Variants in GLS observed in about 807,000 individuals in gnomAD.
The protein encoded by GLS is glutaminase.
In GLS, 36 loss-of-function variants were observed where a neutral mutation model predicts 86.7. The ratio of observed to expected loss-of-function variants is 0.42; its 90% CI spans 0.32 to 0.55. The LOEUF (loss-of-function observed/expected upper bound fraction) is 0.55. GLS is among the 20% of genes least tolerant of loss of function. The pLI is 0.17. For synonymous variants in GLS, 317 were observed against 305.9 expected, an observed-to-expected ratio of 1.04 and a Z score of -0.38; for missense variants, 528 against 833.4, an observed-to-expected ratio of 0.63 and a Z score of 4.51.
chr2:190,918,536 C>T (rs767059777), intron 7 of GLS, among the ~76,000 whole-genome samples: 18 of 152,016 alleles, frequency 1.2e-4, no homozygotes, highest in Non-Finnish European at 2.4e-4. Flanking sequence ...CACAAATTTT[C>T]TCCATGTTAC....
intron 14 of GLS, among the ~76,000 whole-genome samples, chr2:190,939,268 T>G (rs1357839482): frequency 6.6e-6 from 1 of 151,648 alleles, no homozygotes; most frequent in East Asian, 1.9e-4. Context: ...TTAATATTTA[T>G]GAAGGACTGT....
rs1690723401 is a variant in GLS at position 190,951,645 on chromosome 2, G to C, written c.1651-1920G>C. 6.6e-6 allele frequency among the ~76,000 whole-genome samples: 1 copy of C among 152,100 alleles called. No homozygotes were observed. Among genetic ancestry groups the C allele is most frequent in the South Asian group, 2.1e-4 (1 of 4,820 alleles). ...AAGTTGTAGTTAGGATCTTCTGTCT[G>C]TTTTTAGGGGTCTCCACTGGTATTA... On this transcript the variant is annotated intron_variant, in intron 14 of 17. Coordinates refer to ENST00000320717, the MANE Select transcript of GLS (RefSeq NM_014905.5). This position sits in a 1 kb window ranked among gnomAD's most constrained non-coding sequence, Gnocchi z 4.2.
chr2:190,942,944 GTTTCATC>G (rs1443412815), intron 14 of GLS, among the ~76,000 whole-genome samples: 1 of 152,158 alleles, frequency 6.6e-6, no homozygotes, highest in Non-Finnish European at 1.5e-5. Context: ...CAAGGTGGCT[GTTTCATC>G]TTTAGCCTCA....
At chr2:190,902,149 A>C (rs2124843831) in intron 5 of GLS, 123 bp downstream of exon 5, 2 of 576,236 alleles carry the variant, frequency 3.5e-6, no homozygotes, top group Middle Eastern at 3.5e-4. Flanking sequence ...ATAATTTCAA[A>C]AGGTAAATAA....
intron 4 of GLS, 32 bp downstream of exon 4, chr2:190,900,725 C>G (rs755553421): frequency 1.9e-6 from 3 of 1,557,666 alleles, no homozygotes; most frequent in Non-Finnish European, 2.6e-6. Context: ...TTTTCATAAC[C>G]GAATCACTTA....
In GLS at chr2:190,963,959, A is replaced by AAAG. The variant is rs936576835; in HGVS notation, c.*974_*976dup. 2 of 152,166 alleles carry AAAG rather than the reference A, an allele frequency of 1.3e-5. No homozygotes were observed. The highest frequency in any genetic ancestry group is 1.3e-4 in the Admixed American group (2 of 15,276). 9.4% of individuals were successfully genotyped at this position (152,166 alleles called of 1,614,324 possible). ...AAATTCAGAAATGCTCTAAGCTACC[A>AAAG]AAGTTATTCTGAAAGTATGGGAACT... On this transcript the variant is annotated 3_prime_UTR_variant, in exon 18 of 18. Coordinates refer to ENST00000320717, the MANE Select transcript of GLS (RefSeq NM_014905.5).
At position 190,895,385 on chromosome 2, in the gene GLS, A is replaced by G. The variant is rs1274353144; in HGVS notation, c.483+137A>G. On this transcript the variant is annotated intron_variant, in intron 2 of 17. Transcript: ENST00000320717. The surrounding 1 kb of genome is among the most constrained non-coding windows in gnomAD (Gnocchi z 4.2). ...CAATATTTCTCTTATTATGTTTTCA[A>G]ATTTTTGTCATGCTCATTTCAAGGT... 1 of 542,240 alleles carries G rather than the reference A, an allele frequency of 1.8e-6. No individual in the cohort carries two copies. The highest frequency in any genetic ancestry group is 3.2e-6 in the Non-Finnish European group (1 of 308,828). The allele number at this position is 542,240 out of a possible 1,614,324, so 33.6% of individuals were successfully genotyped here.
chr2:190,934,907 A>G (rs1690225501), intron 14 of GLS: 1 of 978,404 alleles, frequency 1.0e-6, no homozygotes, highest in Non-Finnish European at 1.2e-6. Flanking sequence ...AAACTTAAAA[A>G]AGAAAAAACT....
rs1334643139 is a variant in GLS, at chr2:190,938,689, G to T, written c.1650+7052G>T. On this transcript the variant is annotated intron_variant, in intron 14 of 17. Coordinates refer to ENST00000320717, the MANE Select transcript of GLS (RefSeq NM_014905.5). The surrounding 1 kb of genome is among the most constrained non-coding windows in gnomAD (Gnocchi z 4.1). ...TGTGTTTTGTTAGGATGGACTTTCT[G>T]TTTGTAGATGTTTCTGTTTGTGGTT... is the stretch of plus-strand genomic sequence containing the variant. Among the ~76,000 whole-genome samples, 1 of 151,492 alleles carries T rather than the reference G, an allele frequency of 6.6e-6. No homozygotes were observed. The highest frequency in any genetic ancestry group is 1.5e-5 in the Non-Finnish European group (1 of 67,534).
Position 190,963,085 on chromosome 2 carries a change from A to T in GLS, c.*99A>T. ...TCTATCTGGTAGTGATGTATATTTT[A>T]CATTTGTCATTTCAGTGTTACTGGA... On this transcript the variant is annotated 3_prime_UTR_variant, in exon 18 of 18. Transcript: ENST00000320717. 1 of 846,372 alleles carries T rather than the reference A, an allele frequency of 1.2e-6. No homozygotes were observed. Among genetic ancestry groups the T allele is most frequent in the Non-Finnish European group, 1.8e-6 (1 of 558,150 alleles). The allele number at this position is 846,372 out of a possible 1,614,324, so 52.4% of individuals were successfully genotyped here.
rs1008917491 is a variant in GLS, at chr2:190,962,668, A to G, written c.1854-162A>G. Among the ~76,000 whole-genome samples, 3 of 152,206 alleles carry G rather than the reference A, an allele frequency of 2.0e-5. No homozygotes were observed. The highest frequency in any genetic ancestry group is 4.4e-5 in the Non-Finnish European group (3 of 68,028). ...TGTCTTGGAGACTACTTTTTGAATT[A>G]TAAATCCCTTTCTGCATTTCTATTA... On this transcript the variant is annotated intron_variant, in intron 17 of 17. Coordinates refer to ENST00000320717, the MANE Select transcript of GLS (RefSeq NM_014905.5). The surrounding 1 kb of genome is among the most constrained non-coding windows in gnomAD (Gnocchi z 4.2).
intron 7 of GLS, among the ~76,000 whole-genome samples, chr2:190,912,346 C>CTTTTTT (rs34419675): frequency 3.8e-4 from 47 of 122,472 alleles, no homozygotes; most frequent in Non-Finnish European, 6.4e-4. Context: ...TTCACAAGTG[C>CTTTTTT]TTTTTTTTTT....
chr2:190,907,476 G>A (rs973665693), intron 6 of GLS, among the ~76,000 whole-genome samples: 10 of 149,250 alleles, frequency 6.7e-5, no homozygotes, highest in East Asian at 4.0e-4. Flanking sequence ...GGCTGGTCGC[G>A]AACTCCCAAC....
rs911336220 is a variant in GLS at position 190,965,060 on chromosome 2, TGCTGTTG to T, written c.*2079_*2085del. On this transcript the variant is annotated 3_prime_UTR_variant, in exon 18 of 18. Coordinates refer to ENST00000320717, the MANE Select transcript of GLS (RefSeq NM_014905.5). This position sits in a 1 kb window ranked among gnomAD's most constrained non-coding sequence, Gnocchi z 5.0. ...TGTGCCGATTCCTGCTCGGGCTGTTTGCTGTTGGCTGGTAATAATATATTTGATTTAA... is the reference window on the plus strand; with the variant it reads ...TGTGCCGATTCCTGCTCGGGCTGTTTGCTGGTAATAATATATTTGATTTAA... 15 of 152,226 alleles carry T rather than the reference TGCTGTTG, an allele frequency of 9.9e-5. No homozygotes were observed. Among genetic ancestry groups the T allele is most frequent in the African/African-American group, 3.1e-4 (13 of 41,442 alleles). 9.4% of individuals were successfully genotyped at this position (152,226 alleles called of 1,614,324 possible).
intron 14 of GLS, among the ~76,000 whole-genome samples, chr2:190,939,700 G>C (rs1281619184): frequency 6.6e-6 from 1 of 151,540 alleles, no homozygotes; most frequent in Non-Finnish European, 1.5e-5. Flanking sequence ...CATCACAAAA[G>C]GGCAATTTCA....
At chr2:190,893,009 G>A (rs1447047918) in intron 1 of GLS, among the ~76,000 whole-genome samples, 4 of 152,068 alleles carry the variant, frequency 2.6e-5, no homozygotes, top group Non-Finnish European at 4.4e-5. Context: ...ATTTACTTGT[G>A]TGATAAATAC....
chr2:190,881,651 C>T, intron 1 of GLS, 181 bp downstream of exon 1: 1 of 559,346 alleles, frequency 1.8e-6, no homozygotes, highest in Non-Finnish European at 3.0e-6. Context: ...CGCGCCTTCC[C>T]CGCCCGCAAC....
intron 14 of GLS, chr2:190,934,295 T>C (rs1690200402): frequency 1.0e-6 from 1 of 963,006 alleles, no homozygotes; most frequent in Non-Finnish European, 1.2e-6. Context: ...AAAATCTTGA[T>C]CATAATGTCT....
In GLS at chr2:190,951,996, G is replaced by A. The variant is rs1030967470; in HGVS notation, c.1651-1569G>A. On this transcript the variant is annotated intron_variant, in intron 14 of 17. Coordinates refer to ENST00000320717, the MANE Select transcript of GLS (RefSeq NM_014905.5). This position sits in a 1 kb window ranked among gnomAD's most constrained non-coding sequence, Gnocchi z 4.2. ...AAGGCAGAAGGATTGCTTAAGGCCC[G>A]GAGTTCAAGACCAGCCTGGCCAACA... Among the ~76,000 whole-genome samples, 11 of 152,180 alleles carry A rather than the reference G, an allele frequency of 7.2e-5. No homozygotes were observed. Among genetic ancestry groups the A allele is most frequent in the South Asian group, 2.1e-4 (1 of 4,824 alleles).
Sources: gnomAD v4.1 joint callset for allele counts (sites outside exome capture counted in the v4.1 genomes callset) on GRCh38, gnomAD v4.1.1 for gene constraint, Gnocchi (gnomAD v3.1) non-coding constraint, MANE v1.5 for transcripts, NCBI Gene and HGNC (gene_info 2026-07-23, HGNC 2026-07-21) for gene names.